CYSTM1: variants seen among roughly 807,000 people sequenced by gnomAD.
CYSTM1 encodes cysteine-rich transmembrane module-containing protein 1.
CYSTM1 carries 4 observed loss-of-function variants against 13.1 expected under a neutral mutation model. The ratio of observed to expected loss-of-function variants is 0.31; its 90% CI spans 0.15 to 0.70. The LOEUF is 0.70. CYSTM1 is among the 30% of genes least tolerant of loss of function. The pLI is 0.72. For synonymous variants in CYSTM1, 36 were observed against 42.7 expected, an observed-to-expected ratio of 0.84 and a Z score of 0.62; for missense variants, 96 against 121.6, an observed-to-expected ratio of 0.79 and a Z score of 0.99.
chr5:140,197,087 A>G (rs1327442758), intron 2 of CYSTM1, among the ~76,000 whole-genome samples: 15 of 152,336 alleles, frequency 9.8e-5, no homozygotes, highest in Non-Finnish European at 1.5e-4. Flanking sequence ...TCTTTCACCT[A>G]TAGCCCTCAT....
chr5:140,227,340 C>T (rs1764569882), intron 2 of CYSTM1, among the ~76,000 whole-genome samples: 1 of 152,104 alleles, frequency 6.6e-6, no homozygotes, highest in African/African-American at 2.4e-5. Flanking sequence ...TTAATAGGGG[C>T]TCAGCCCTAG....
chr5:140,224,294 C>A (rs1015128025), intron 2 of CYSTM1, among the ~76,000 whole-genome samples: 3 of 152,098 alleles, frequency 2.0e-5, no homozygotes, highest in African/African-American at 7.2e-5. Flanking sequence ...CATGCGCCAC[C>A]ACACCCAGCT....
chr5:140,210,873 T>C (rs1764359444), intron 2 of CYSTM1, among the ~76,000 whole-genome samples: 1 of 152,150 alleles, frequency 6.6e-6, no homozygotes, highest in Non-Finnish European at 1.5e-5. Flanking sequence ...GTCTTCCTAA[T>C]AAGCTTCATG....
Position 140,189,718 on chromosome 5 carries a change from C to T in CYSTM1, c.-20-4728C>T, listed in dbSNP as rs565962387. Among the ~76,000 whole-genome samples, 21 of 152,174 alleles carry T rather than the reference C, an allele frequency of 1.4e-4. No individual in the cohort carries two copies. The East Asian group carries it at 3.5e-3, about 25-fold the overall frequency. On this transcript the variant is annotated intron_variant, in intron 1 of 2. Transcript: ENST00000261811. ...CATTTGGATAGCTTTCAGTTTGGGACTATTATAAATAAAACTGCTTTGAAC... is the reference window on the plus strand; with the variant it reads ...CATTTGGATAGCTTTCAGTTTGGGATTATTATAAATAAAACTGCTTTGAAC...
chr5:140,186,573 A>G (rs1203614875), intron 1 of CYSTM1, among the ~76,000 whole-genome samples: 1 of 152,204 alleles, frequency 6.6e-6, no homozygotes, highest in Non-Finnish European at 1.5e-5. Flanking sequence ...TTGAGCTTAC[A>G]GTACGCTCTG....
chr5:140,229,720 C>T (rs1764598865), intron 2 of CYSTM1, among the ~76,000 whole-genome samples: 1 of 150,620 alleles, frequency 6.6e-6, no homozygotes, highest in African/African-American at 2.4e-5. Flanking sequence ...TTTTTGAGAC[C>T]TAGTTTTGCT....
At chr5:140,207,607 T>C (rs1307305017) in intron 2 of CYSTM1, among the ~76,000 whole-genome samples, 2 of 152,232 alleles carry the variant, frequency 1.3e-5, no homozygotes, top group African/African-American at 4.8e-5. Flanking sequence ...CCCTGCTTAA[T>C]GATTTTCTGT....
At chr5:140,209,237 G>C (rs1764334280) in intron 2 of CYSTM1, among the ~76,000 whole-genome samples, 1 of 151,016 alleles carries the variant, frequency 6.6e-6, no homozygotes, top group Non-Finnish European at 1.5e-5. Context: ...GCTTGATTTT[G>C]TAGAAAAGAC....
At chr5:140,226,586 T>A (rs1170164703) in intron 2 of CYSTM1, among the ~76,000 whole-genome samples, 2 of 75,312 alleles carry the variant, frequency 2.7e-5, no homozygotes, top group Non-Finnish European at 5.0e-5. Flanking sequence ...ATACTAAATA[T>A]TATATATATA....
Position 140,177,068 on chromosome 5 carries a change from C to CAAAA in CYSTM1, c.-21+1799_-21+1802dup, listed in dbSNP as rs1161281232. Among the ~76,000 whole-genome samples, 814 of 87,678 alleles carry CAAAA rather than the reference C, an allele frequency of 9.3e-3. 27 individuals are homozygous for CAAAA. The highest frequency in any genetic ancestry group is 0.013 in the East Asian group (37 of 2,772). The allele number at this position is 87,678 out of a possible 152,430, so 57.5% of individuals were successfully genotyped here. A position where few individuals can be genotyped will look rare whatever the true frequency, so the allele number is the denominator to read the frequency against. ...TGGGCGACAGAGCGAGACTCTGTCT[C>CAAAA]AAAAAAAAAAAAAAAAAAATCTCTA... is the stretch of plus-strand genomic sequence containing the variant. On this transcript the variant is annotated intron_variant, in intron 1 of 2. Transcript: ENST00000261811.
At chr5:140,208,505 C>T (rs1000614384) in intron 2 of CYSTM1, among the ~76,000 whole-genome samples, 16 of 151,790 alleles carry the variant, frequency 1.1e-4, no homozygotes, top group African/African-American at 3.6e-4. Flanking sequence ...ATGAATGAGT[C>T]TGGTATTTGC....
At chr5:140,194,330 G>T (rs1764126511) in intron 1 of CYSTM1, 116 bp from the exon 2 acceptor site, 5 of 973,406 alleles carry the variant, frequency 5.1e-6, no homozygotes, top group Middle Eastern at 3.3e-4. Context: ...CTAGAGATTT[G>T]CACAAGGCTT....
At chr5:140,243,095 G>A (rs1165001469) in intron 2 of CYSTM1, among the ~76,000 whole-genome samples, 1 of 152,206 alleles carries the variant, frequency 6.6e-6, no homozygotes, top group Non-Finnish European at 1.5e-5. Context: ...GGGTGAGGGC[G>A]TCCTGAGTCT....
chr5:140,194,363 T>C (rs1764126774), intron 1 of CYSTM1, 83 bp from the exon 2 acceptor site: 2 of 1,321,684 alleles, frequency 1.5e-6, no homozygotes, highest in Non-Finnish European at 2.0e-6. Context: ...AGGTATTTTG[T>C]AAATGATCTT....
At chr5:140,189,222 C>T (rs1764060683) in intron 1 of CYSTM1, among the ~76,000 whole-genome samples, 5 of 152,154 alleles carry the variant, frequency 3.3e-5, no homozygotes, top group Admixed American at 3.3e-4. Flanking sequence ...GGGGTGTATC[C>T]TTCATGAATG....
At chr5:140,191,999 C>T (rs939643311) in intron 1 of CYSTM1, among the ~76,000 whole-genome samples, 1 of 152,144 alleles carries the variant, frequency 6.6e-6, no homozygotes, top group African/African-American at 2.4e-5. Context: ...TTGCCAGTTG[C>T]AGACCAGAGC....
chr5:140,186,832 C>T (rs888739322), intron 1 of CYSTM1, among the ~76,000 whole-genome samples: 2 of 152,166 alleles, frequency 1.3e-5, no homozygotes, highest in African/African-American at 4.8e-5. Context: ...CAGTATAAAA[C>T]TCAGTAATTC....
intron 1 of CYSTM1, among the ~76,000 whole-genome samples, chr5:140,187,279 T>TA (rs1235172779): frequency 3.4e-5 from 5 of 148,622 alleles, no homozygotes; most frequent in South Asian, 2.1e-4. Flanking sequence ...AAGGTTTTGT[T>TA]AAAAAAACAG....
chr5:140,220,838 G>T (rs1764480740), intron 2 of CYSTM1, among the ~76,000 whole-genome samples: 1 of 152,104 alleles, frequency 6.6e-6, no homozygotes, highest in Admixed American at 6.5e-5. Context: ...AGGTGTCTCT[G>T]GCTGGCTGGA....
Sources: gnomAD v4.1 joint callset for allele counts (sites outside exome capture counted in the v4.1 genomes callset) on GRCh38, gnomAD v4.1.1 for gene constraint, MANE v1.5 for transcripts, NCBI Gene and HGNC (gene_info 2026-07-23, HGNC 2026-07-21) for gene names.